AHDC1: variants seen among roughly 807,000 people sequenced by gnomAD.
AHDC1 encodes the protein AT-hook DNA binding motif containing 1.
Under a neutral mutation model 87.9 loss-of-function variants are expected in AHDC1, and 7 were observed. That is an observed-to-expected ratio of 0.08 (90% confidence interval 0.05 to 0.15). The LOEUF is 0.15. Ranked by LOEUF, AHDC1 falls within the 10% of genes least tolerant of loss-of-function variation. The pLI, the probability that AHDC1 is intolerant of heterozygous loss-of-function variation, is 1.00. For missense variants in AHDC1, 1,841 were observed against 2,253.2 expected (o/e 0.82, Z 3.70); for synonymous variants, 1,051 against 1,006.8 (o/e 1.04, Z -0.83).
Position 27,562,036 on chromosome 1 carries a change from G to A in AHDC1, c.-628-3153C>T, listed in dbSNP as rs2020109875. On this transcript the variant is annotated intron_variant, in intron 3 of 8. Transcript: ENST00000673934. The surrounding 1 kb of genome is among the most constrained non-coding windows in gnomAD (Gnocchi z 4.4). ...AGGCACGGGGGAAGCGAGCCAGGCA[G>A]AGATGGGAAAGGCAGGAGAGAGCAG... 6.6e-6 allele frequency among the ~76,000 whole-genome samples: 1 copy of A among 152,122 alleles called. No homozygotes were observed. The highest frequency in any genetic ancestry group is 2.4e-5 in the African/African-American group (1 of 41,406).
In AHDC1 at chr1:27,550,930, G is replaced by A. The variant is rs780744768; in HGVS notation, c.1186C>T (p.Arg396Trp). The change falls in exon 8 of 9, where the codon CGG (arginine) becomes TGG (tryptophan). Residue 396 changes from arginine (R) to tryptophan (W), a missense_variant. This residue lies in a region of AHDC1 where 370 missense variants were observed against 391.5 expected (regional missense o/e 0.95). Transcript: ENST00000673934. Reference sequence around the variant, plus strand: ...TTGCGTCCCCGTCCGGCTTTCCGCCGGCGACACAGGATCTTTGGCCTATCA... The same window carrying A: ...TTGCGTCCCCGTCCGGCTTTCCGCCAGCGACACAGGATCTTTGGCCTATCA... The part of the protein sequence containing the change: ...RTDRPKILCR[R>W]RKAGRGRKAD... The A allele has an allele frequency of 6.3e-6, 10 of 1,598,250 alleles. No individual in the cohort carries two copies. The highest frequency in any genetic ancestry group is 2.2e-5 in the South Asian group (2 of 90,380).
rs1343403407 is a variant in AHDC1, at chr1:27,558,224, C to T, written c.-225+81G>A. On this transcript the variant is annotated intron_variant, in intron 5 of 8. Coordinates refer to ENST00000673934, the MANE Select transcript of AHDC1 (RefSeq NM_001371928.1). The surrounding 1 kb of genome is among the most constrained non-coding windows in gnomAD (Gnocchi z 5.6). ...TGGGCCAGGAGTAGGGAGGTGGGTC[C>T]TGCCACTGCCCCCGCCCCCTCCCTG... 1 of 152,222 alleles carries T rather than the reference C, an allele frequency of 6.6e-6. No individual in the cohort carries two copies. The highest frequency in any genetic ancestry group is 1.5e-5 in the Non-Finnish European group (1 of 68,078). The allele number at this position is 152,222 out of a possible 1,614,324, so 9.4% of individuals were successfully genotyped here. A position where few individuals can be genotyped will look rare whatever the true frequency, so the allele number is the denominator to read the frequency against.
In AHDC1 at chr1:27,591,704, G is replaced by C. The variant is rs190338527; in HGVS notation, c.-629+11693C>G. ...GGGGTGGTTAAGAGCACATGTTCTA[G>C]GGACATACAGACCCGGATTAATGCC... On this transcript the variant is annotated intron_variant, in intron 3 of 8. Transcript: ENST00000673934. Among the ~76,000 whole-genome samples the C allele has an allele frequency of 5.4e-3, 817 of 152,284 alleles. 5 individuals carry two copies. Among genetic ancestry groups the C allele is most frequent in the Admixed American group, 0.011 (170 of 15,296 alleles).
rs1289544809 is a variant in AHDC1 at position 27,538,410 on chromosome 1, AAAAAAAAACCAG to A, written c.*44-3506_*44-3495del. On this transcript the variant is annotated intron_variant, in intron 8 of 8. Coordinates refer to ENST00000673934, the MANE Select transcript of AHDC1 (RefSeq NM_001371928.1). ...AGAGCAAGACTGTCTCAAAAAAAAAAAAAAAAAACCAGAAAAGAAAAAGTGCATTAGAATTTG... is the reference window on the plus strand; with the variant it reads ...AGAGCAAGACTGTCTCAAAAAAAAAAAAAAGAAAAAGTGCATTAGAATTTG... Among the ~76,000 whole-genome samples the A allele has an allele frequency of 5.7e-3, 863 of 151,224 alleles. 15 individuals are homozygous for A. Among genetic ancestry groups the A allele is most frequent in the Non-Finnish European group, 6.4e-3 (434 of 67,730 alleles).
At chr1:27,546,265 G>C (rs563111301) in intron 8 of AHDC1, among the ~76,000 whole-genome samples, 4 of 152,220 alleles carry the variant, frequency 2.6e-5, no homozygotes, top group Non-Finnish European at 5.9e-5. Context: ...GGAGCAGGCT[G>C]TTCTTCAAGA....
intron 3 of AHDC1, among the ~76,000 whole-genome samples, chr1:27,602,265 C>G (rs986784458): frequency 6.6e-6 from 1 of 152,092 alleles, no homozygotes; most frequent in Admixed American, 6.5e-5. Flanking sequence ...TTCCCGCCCC[C>G]GCTTCTCTCC....
intron 3 of AHDC1, among the ~76,000 whole-genome samples, chr1:27,592,575 C>T (rs1265977171): frequency 6.7e-6 from 1 of 149,760 alleles, no homozygotes; most frequent in Admixed American, 6.6e-5. Flanking sequence ...CCCCCGCCCT[C>T]CCCCCCCCAG....
rs1015553738 is a variant in AHDC1, at chr1:27,540,615, C to T, written c.*44-5699G>A. ...GAATGCTTCTTGGAGGAAGTGATGT[C>T]TGAGTGAAAGATAGGAACTGACAGG... On this transcript the variant is annotated intron_variant, in intron 8 of 8. Coordinates refer to ENST00000673934, the MANE Select transcript of AHDC1 (RefSeq NM_001371928.1). 2.0e-5 allele frequency among the ~76,000 whole-genome samples: 3 copies of T among 151,948 alleles called. No individual in the cohort carries two copies. In the South Asian group the frequency reaches 6.2e-4, roughly 31 times the overall value.
rs2019313472 is a variant in AHDC1, at chr1:27,548,412, C to T, written c.3704G>A (p.Arg1235Gln). Residue 1235 changes from arginine to glutamine, a missense_variant, in exon 8 of 9, where the codon CGG (arginine) becomes CAG (glutamine). By Grantham distance (43) the Arg-to-Gln change is conservative. Around this residue, in one of 13 missense-constraint regions of AHDC1, gnomAD observed 505 missense variants for 626.2 expected, o/e 0.81. Transcript: ENST00000673934. ...FQSSSKPGRG[R>Q]RKKVDLFEAS... ...CTCGAACAGGTCCACCTTCTTCCGC[C>T]GTCCACGGCCCGGCTTGGAGCTACT... 17 of 1,610,344 alleles carry T rather than the reference C, an allele frequency of 1.1e-5. No homozygotes were observed. Among genetic ancestry groups the T allele is most frequent in the East Asian group, 2.2e-5 (1 of 44,780 alleles).
In AHDC1 at chr1:27,595,041, G is replaced by C. The variant is rs978242081; in HGVS notation, c.-629+8356C>G. 1.3e-5 allele frequency among the ~76,000 whole-genome samples: 2 copies of C among 152,054 alleles called. No individual in the cohort carries two copies. The highest frequency in any genetic ancestry group is 2.9e-5 in the Non-Finnish European group (2 of 68,004). On this transcript the variant is annotated intron_variant, in intron 3 of 8. Transcript: ENST00000673934. The surrounding 1 kb of genome is among the most constrained non-coding windows in gnomAD (Gnocchi z 4.0). ...TAGGACTGCCTGTCGAGGAGGTGCCGGGATCCAGGAGGCAGTGTGCACAAG... is the reference window on the plus strand; with the variant it reads ...TAGGACTGCCTGTCGAGGAGGTGCCCGGATCCAGGAGGCAGTGTGCACAAG...
rs2089337395 is a variant in AHDC1 at position 27,595,264 on chromosome 1, T to G, written c.-629+8133A>C. Among the ~76,000 whole-genome samples, 1 of 151,772 alleles carries G rather than the reference T, an allele frequency of 6.6e-6. No homozygotes were observed. The highest frequency in any genetic ancestry group is 2.4e-5 in the African/African-American group (1 of 41,322). On this transcript the variant is annotated intron_variant, in intron 3 of 8. Transcript: ENST00000673934. The surrounding 1 kb of genome is among the most constrained non-coding windows in gnomAD (Gnocchi z 4.0). ...AGGTATAGGGGATGATACCGGTGTT[T>G]GGGGAAGTGCTGAGCTATAGCTGGG...
intron 3 of AHDC1, among the ~76,000 whole-genome samples, chr1:27,559,370 A>G (rs924325648): frequency 1.3e-5 from 2 of 152,104 alleles, no homozygotes; most frequent in African/African-American, 4.8e-5. Flanking sequence ...TGTTTCTTGA[A>G]ACCCCAGGCT....
At chr1:27,544,206 T>G (rs2019065492) in intron 8 of AHDC1, among the ~76,000 whole-genome samples, 1 of 152,064 alleles carries the variant, frequency 6.6e-6, no homozygotes, top group Non-Finnish European at 1.5e-5. Flanking sequence ...CCCCACCTCA[T>G]AGTCTGCTGT....
At chr1:27,570,770 G>A (rs572338879) in intron 3 of AHDC1, among the ~76,000 whole-genome samples, 2 of 152,316 alleles carry the variant, frequency 1.3e-5, no homozygotes, top group South Asian at 2.1e-4. Context: ...CTAGAGGAAT[G>A]AGGAGATGGA....
intron 3 of AHDC1, among the ~76,000 whole-genome samples, chr1:27,568,450 C>A (rs896470453): frequency 9.2e-5 from 14 of 152,132 alleles, no homozygotes; most frequent in Non-Finnish European, 2.9e-5. Flanking sequence ...AGGTCGCTCG[C>A]GTGTTCAGCC....
intron 8 of AHDC1, among the ~76,000 whole-genome samples, chr1:27,536,244 T>A (rs1486596762): frequency 6.6e-6 from 1 of 152,192 alleles, no homozygotes; most frequent in Non-Finnish European, 1.5e-5. Context: ...CGGGGACGAC[T>A]TTTGTCCTGA....
At chr1:27,597,268 C>T (rs1348552554) in intron 3 of AHDC1, among the ~76,000 whole-genome samples, 2 of 151,966 alleles carry the variant, frequency 1.3e-5, no homozygotes, top group African/African-American at 2.4e-5. Flanking sequence ...AGCACAGGTG[C>T]GTGTTCACCA....
In AHDC1 at chr1:27,550,367, C is replaced by T. The variant is rs2019470218; in HGVS notation, c.1749G>A (p.Glu583=). 6.2e-7 allele frequency: 1 copy of T among 1,613,950 alleles called. No individual in the cohort carries two copies. Among genetic ancestry groups the T allele is most frequent in the Non-Finnish European group, 8.5e-7 (1 of 1,179,960 alleles). The change falls in exon 8 of 9, where the codon GAG becomes GAA. Residue 583 remains glutamate (E), a synonymous_variant. Transcript: ENST00000673934. ...TVAAATMAMP[E]VKKRRRRKQK... is the part of the protein sequence containing the mutation. ...GCTTCCGCCGCCGTCGTTTTTTTAC[C>T]TCTGGCATGGCCATGGTGGCCGCTG...
At chr1:27,564,405 T>C (rs980433089) in intron 3 of AHDC1, among the ~76,000 whole-genome samples, 5 of 152,240 alleles carry the variant, frequency 3.3e-5, no homozygotes, top group African/African-American at 1.2e-4. Context: ...CCTGCTCCCC[T>C]GCTTCCTCAC....
Sources: gnomAD v4.1 joint callset for allele counts (sites outside exome capture counted in the v4.1 genomes callset) on GRCh38, gnomAD v4.1.1 for gene constraint, gnomAD v4.1.1 regional missense constraint, Gnocchi (gnomAD v3.1) non-coding constraint, MANE v1.5 for transcripts, NCBI Gene and HGNC (gene_info 2026-07-23, HGNC 2026-07-21) for gene names.